The following MLKL variants were observed in gnomAD, a reference collection of about 807,000 sequenced individuals.
The protein encoded by MLKL is mixed lineage kinase domain-like protein.
MLKL carries 55 observed loss-of-function variants against 56.5 expected under a neutral mutation model. The observed-to-expected ratio is 0.97, with a 90% CI of 0.78 to 1.22. The LOEUF (loss-of-function observed/expected upper bound fraction) is 1.22, where lower values mean the gene tolerates loss of function less well. Ranked by LOEUF, MLKL falls within the 50% of genes most tolerant of loss-of-function variation. The pLI, the probability that MLKL is intolerant of heterozygous loss-of-function variation, is 0.00. For missense variants in MLKL, 694 were observed against 573.9 expected (o/e 1.21, Z -2.14); for synonymous variants, 251 against 208.3 (o/e 1.20, Z -1.76).
chr16:74,695,529 C>T lies in MLKL; in HGVS notation c.229G>A (p.Glu77Lys). The T allele has an allele frequency of 6.2e-7, 1 of 1,614,198 alleles. No homozygotes were observed. The highest frequency in any genetic ancestry group is 8.5e-7 in the Non-Finnish European group (1 of 1,180,044). ...ATATTGGATCTATTGCTGAACTTTT[C>T]TATCTCCCCATTAGCCTCCTCCAGG... ...AALEEANGEI[E>K]KFSNRSNICR... The change falls in exon 2 of 11, where the codon GAA (glutamate) becomes AAA (lysine). Residue 77 changes from glutamate (E) to lysine (K), a missense_variant. By Grantham distance (56) the Glu-to-Lys change is moderately conservative. Coordinates refer to ENST00000308807, the MANE Select transcript of MLKL (RefSeq NM_152649.4).
In MLKL at chr16:74,675,014, C is replaced by T; in HGVS notation, c.1327G>A (p.Glu443Lys). The stretch of plus-strand genomic sequence containing the variant: ...TGGGCCCGGCACTCATCAATGATCT[C>T]CCGCAGCTCTGAAGGGCAGTCTTCA... ...LGEDCPSELR[E>K]IIDECRAHDP... Residue 443 changes from glutamate (E) to lysine (K), a missense_variant, in exon 10 of 11, where the codon GAG becomes AAG. By Grantham distance (56) the Glu-to-Lys change is moderately conservative. Coordinates refer to ENST00000308807, the MANE Select transcript of MLKL (RefSeq NM_152649.4). The T allele has an allele frequency of 6.2e-7, 1 of 1,614,210 alleles. No homozygotes were observed. Among genetic ancestry groups the T allele is most frequent in the Non-Finnish European group, 8.5e-7 (1 of 1,180,038 alleles).
At position 74,691,260 on chromosome 16, in the gene MLKL, C is replaced by T. The variant is rs1960654762; in HGVS notation, c.722+17G>A. On this transcript the variant is annotated intron_variant, in intron 4 of 10. Transcript: ENST00000308807. ...TAAGTATTGGTACACACGAGAGAAC[C>T]ACACAAAACAACTTACGCAATGCTG... 1.3e-6 allele frequency: 2 copies of T among 1,598,296 alleles called. No individual in the cohort carries two copies. Among genetic ancestry groups the T allele is most frequent in the Non-Finnish European group, 8.5e-7 (1 of 1,172,696 alleles).
intron 7 of MLKL, chr16:74,676,495 CATTT>C: frequency 1.0e-6 from 1 of 981,218 alleles, no homozygotes; most frequent in African/African-American, 1.7e-5. Flanking sequence ...TTCATTCATT[CATTT>C]GCTCACACGT....
chr16:74,678,856 T>C, intron 7 of MLKL, 43 bp downstream of exon 7: 1 of 1,417,060 alleles, frequency 7.1e-7, no homozygotes. Flanking sequence ...ATAGCACCAG[T>C]CATGCAGGTT....
In MLKL at chr16:74,695,567, C is replaced by A; in HGVS notation, c.191G>T (p.Arg64Leu). 4 of 1,614,138 alleles carry A rather than the reference C, an allele frequency of 2.5e-6. No homozygotes were observed. The highest frequency in any genetic ancestry group is 3.4e-6 in the Non-Finnish European group (4 of 1,180,030). ...AGCCTCCTCCAGGGCAGCCTTGAAG[C>A]GGTTCATGGCTGTGGTTAACTTCTC... ...PSEKLTTAMN[R>L]FKAALEEANG... Residue 64 changes from arginine to leucine, a missense_variant, in exon 2 of 11, where the codon CGC becomes CTC. Coordinates refer to ENST00000308807, the MANE Select transcript of MLKL (RefSeq NM_152649.4).
intron 5 of MLKL, among the ~76,000 whole-genome samples, chr16:74,684,644 G>A (rs1352813288): frequency 6.6e-6 from 1 of 151,056 alleles, no homozygotes; most frequent in Admixed American, 6.6e-5. Context: ...AGAGGCATGT[G>A]CCACCACATC....
chr16:74,681,372 A>G (rs966728398), intron 6 of MLKL, among the ~76,000 whole-genome samples: 2 of 152,186 alleles, frequency 1.3e-5, no homozygotes, highest in African/African-American at 4.8e-5. Flanking sequence ...AAAAATGTTA[A>G]GTAAATAACA....
intron 4 of MLKL, among the ~76,000 whole-genome samples, chr16:74,688,207 T>A (rs1960453579): frequency 6.6e-6 from 1 of 151,994 alleles, no homozygotes; most frequent in Non-Finnish European, 1.5e-5. Context: ...TGACCTCAAG[T>A]GATCCACCTG....
At position 74,695,638 on chromosome 16, in the gene MLKL, C is replaced by G. The variant is rs372742021; in HGVS notation, c.120G>C (p.Lys40Asn). Residue 40 changes from lysine to asparagine, a missense_variant, in exon 2 of 11, where the codon AAG becomes AAC. Coordinates refer to ENST00000308807, the MANE Select transcript of MLKL (RefSeq NM_152649.4). ...RLGHRVLGLIKPLEMLQDQGK... is the reference protein window; with the variant it reads ...RLGHRVLGLINPLEMLQDQGK... The stretch of plus-strand genomic sequence containing the variant: ...CTTGGTCCTGGAGCATCTCCAGAGG[C>G]TTGATCAGGCCGAGGACGCGGTGGC... 3.2e-5 allele frequency: 52 copies of G among 1,614,110 alleles called. No homozygotes were observed. Among genetic ancestry groups the G allele is most frequent in the Non-Finnish European group, 4.4e-5 (52 of 1,180,056 alleles).
intron 6 of MLKL, among the ~76,000 whole-genome samples, chr16:74,680,408 G>A (rs1200795324): frequency 6.6e-6 from 1 of 152,158 alleles, no homozygotes; most frequent in Non-Finnish European, 1.5e-5. Context: ...TATATAAAGG[G>A]AAAATTACTC....
At chr16:74,699,944 AAAAT>A (rs1961281551) in intron 1 of MLKL, among the ~76,000 whole-genome samples, 1 of 152,138 alleles carries the variant, frequency 6.6e-6, no homozygotes, top group Non-Finnish European at 1.5e-5. Flanking sequence ...TCCATCTCTC[AAAAT>A]AAATAAATAA....
At chr16:74,676,286 G>T (rs1959591963) in intron 7 of MLKL, 1 of 987,236 alleles carries the variant, frequency 1.0e-6, no homozygotes, top group Non-Finnish European at 1.2e-6. Flanking sequence ...CATCCCCCCA[G>T]GCCTGCGCGG....
intron 5 of MLKL, among the ~76,000 whole-genome samples, chr16:74,684,617 C>A (rs952514507): frequency 2.6e-5 from 4 of 151,528 alleles, no homozygotes; most frequent in African/African-American, 9.7e-5. Flanking sequence ...GCCTCAGCCT[C>A]CCGAGTAGCT....
intron 7 of MLKL, chr16:74,677,376 G>A (rs557565663): frequency 6.6e-6 from 1 of 152,398 alleles, no homozygotes; most frequent in East Asian, 1.9e-4. Context: ...TTGAGACAGG[G>A]TCTCATTCTG....
intron 1 of MLKL, among the ~76,000 whole-genome samples, chr16:74,700,106 G>C (rs1445454312): frequency 6.6e-6 from 1 of 152,100 alleles, no homozygotes; most frequent in African/African-American, 2.4e-5. Flanking sequence ...AATAAGTAAA[G>C]GTTATCAGGC....
At chr16:74,693,341 G>A (rs1960789884) in intron 2 of MLKL, among the ~76,000 whole-genome samples, 1 of 151,336 alleles carries the variant, frequency 6.6e-6, no homozygotes, top group Admixed American at 6.6e-5. Flanking sequence ...GGTGGCACAT[G>A]CCTGTAATCC....
intron 6 of MLKL, among the ~76,000 whole-genome samples, chr16:74,681,885 C>A (rs1555532120): frequency 1.3e-5 from 2 of 151,988 alleles, no homozygotes; most frequent in Non-Finnish European, 2.9e-5. Context: ...CACGTACACG[C>A]ATATATATAT....
Position 74,675,377 on chromosome 16 carries a change from G to A in MLKL, c.1218C>T (p.Ala406=). 6.2e-7 allele frequency: 1 copy of A among 1,614,122 alleles called. No individual in the cohort carries two copies. Among genetic ancestry groups the A allele is most frequent in the Non-Finnish European group, 8.5e-7 (1 of 1,180,038 alleles). The change falls in exon 9 of 11, where the codon GCC becomes GCT. Residue 406 remains alanine, a synonymous_variant. Transcript: ENST00000308807. ...CACCTTGAAACGGGATATCTCCAGT[G>A]GCGATTTCCCAGAGGACGATTCCAA... is the stretch of plus-strand genomic sequence containing the variant. ...YSFGIVLWEI[A]TGDIPFQGCN...
chr16:74,687,653 T>G (rs1337702536), intron 4 of MLKL, among the ~76,000 whole-genome samples: 1 of 151,994 alleles, frequency 6.6e-6, no homozygotes, highest in Non-Finnish European at 1.5e-5. Flanking sequence ...AATAAACTCA[T>G]ACATATAAAG....
Sources: allele counts gnomAD v4.1 joint callset (sites outside exome capture counted in the v4.1 genomes callset), GRCh38; gene constraint gnomAD v4.1.1; transcripts MANE v1.5; gene names NCBI Gene and HGNC (gene_info 2026-07-23, HGNC 2026-07-21).